Variants in TAFA4 observed in about 807,000 individuals in gnomAD.
The protein encoded by TAFA4 is chemokine-like protein TAFA-4.
A neutral mutation model predicts 21.1 loss-of-function variants in TAFA4; 20 were observed. The ratio of observed to expected loss-of-function variants is 0.95; its 90% CI spans 0.67 to 1.38. TAFA4 has a LOEUF of 1.38. TAFA4 is among the 40% of genes most tolerant of loss of function. The pLI is 0.00. For synonymous variants in TAFA4, 71 were observed against 67.4 expected, an observed-to-expected ratio of 1.05 and a Z score of -0.26; for missense variants, 211 against 180.9, an observed-to-expected ratio of 1.17 and a Z score of -0.95.
intron 4 of TAFA4, among the ~76,000 whole-genome samples, chr3:68,742,510 G>A (rs909419215): frequency 4.6e-5 from 7 of 151,998 alleles, no homozygotes; most frequent in Admixed American, 6.5e-5. Flanking sequence ...CCAGGCACCC[G>A]GCTAATTTCC....
intron 3 of TAFA4, among the ~76,000 whole-genome samples, chr3:68,828,011 T>G (rs2106873816): frequency 6.6e-6 from 1 of 152,370 alleles, no homozygotes; most frequent in Admixed American, 6.5e-5. Context: ...TTTTGTGGTT[T>G]TAGGTCTTCC....
chr3:68,762,768 G>A (rs1334155771), intron 3 of TAFA4, among the ~76,000 whole-genome samples: 1 of 152,254 alleles, frequency 6.6e-6, no homozygotes, highest in Non-Finnish European at 1.5e-5. Flanking sequence ...GCCGGGCACA[G>A]TGGCTCACGC....
chr3:68,852,710 A>G (rs1367657384), intron 3 of TAFA4, among the ~76,000 whole-genome samples: 1 of 152,170 alleles, frequency 6.6e-6, no homozygotes, highest in East Asian at 1.9e-4. Context: ...TTTCCAATTT[A>G]CTAGCCTTAA....
In TAFA4 at chr3:68,736,594, G is replaced by A. The variant is rs190813998; in HGVS notation, c.411+2481C>T. On this transcript the variant is annotated intron_variant, in intron 5 of 5. Transcript: ENST00000295569. ...TGTGCATGAACTATTTAAAGAAAAT[G>A]GAAACTATTATTGTTATACAGTTTA... Among the ~76,000 whole-genome samples the A allele has an allele frequency of 5.9e-5, 9 of 152,190 alleles. No homozygotes were observed. The East Asian group carries it at 1.5e-3, about 26-fold the overall frequency.
intron 1 of TAFA4, among the ~76,000 whole-genome samples, chr3:68,920,402 GCTTC>G (rs1175297582): frequency 2.0e-5 from 3 of 152,132 alleles, no homozygotes; most frequent in Non-Finnish European, 4.4e-5. Context: ...TGCCAAATAT[GCTTC>G]CTATTTCTGT....
intron 3 of TAFA4, among the ~76,000 whole-genome samples, chr3:68,765,544 T>G (rs1702837333): frequency 6.6e-6 from 1 of 152,218 alleles, no homozygotes; most frequent in South Asian, 2.1e-4. Flanking sequence ...AATGCTACTC[T>G]CATGTGGCAC....
intron 4 of TAFA4, among the ~76,000 whole-genome samples, chr3:68,745,618 T>C (rs1341535602): frequency 6.6e-6 from 1 of 152,230 alleles, no homozygotes; most frequent in Non-Finnish European, 1.5e-5. Context: ...GAAAATTTCA[T>C]GTGATAATTA....
rs998604495 is a variant in TAFA4 at position 68,911,004 on chromosome 3, T to G, written c.-123+21236A>C. Among the ~76,000 whole-genome samples the G allele has an allele frequency of 1.5e-4, 23 of 152,222 alleles. 1 individual carries two copies. The highest frequency in any genetic ancestry group is 9.8e-4 in the Admixed American group (15 of 15,282). On this transcript the variant is annotated intron_variant, in intron 1 of 5. Coordinates refer to ENST00000295569, the MANE Select transcript of TAFA4 (RefSeq NM_182522.5). ...GATTTTGCCTGAAATATTAGTTCAT[T>G]TTAATTTTGCATTCTCCAAAAGAGG... is the stretch of plus-strand genomic sequence containing the variant.
chr3:68,929,846 T>G (rs1476598091), intron 1 of TAFA4, among the ~76,000 whole-genome samples: 1 of 152,246 alleles, frequency 6.6e-6, no homozygotes, highest in Non-Finnish European at 1.5e-5. Flanking sequence ...ACTTCCTTCT[T>G]TCCCTTATTC....
chr3:68,783,288 C>A (rs1484043955), intron 3 of TAFA4, among the ~76,000 whole-genome samples: 1 of 152,032 alleles, frequency 6.6e-6, no homozygotes, highest in African/African-American at 2.4e-5. Flanking sequence ...GAAAATCAGG[C>A]AAGAAAAAGA....
At chr3:68,823,376 T>C (rs955511958) in intron 3 of TAFA4, among the ~76,000 whole-genome samples, 1 of 152,206 alleles carries the variant, frequency 6.6e-6, no homozygotes, top group Non-Finnish European at 1.5e-5. Context: ...TGCAGATATG[T>C]TGAAGTGTCA....
At chr3:68,842,361 G>A (rs1005383353) in intron 3 of TAFA4, among the ~76,000 whole-genome samples, 52 of 152,080 alleles carry the variant, frequency 3.4e-4, no homozygotes, top group African/African-American at 1.0e-3. Context: ...AGAACTGTCT[G>A]TACATATCCT....
intron 1 of TAFA4, among the ~76,000 whole-genome samples, chr3:68,892,192 T>A (rs1359444327): frequency 6.6e-6 from 1 of 152,204 alleles, no homozygotes; most frequent in East Asian, 1.9e-4. Flanking sequence ...AGACATGTTT[T>A]CCCACCAATA....
intron 3 of TAFA4, among the ~76,000 whole-genome samples, chr3:68,833,986 G>A (rs1200166643): frequency 1.3e-5 from 2 of 152,158 alleles, no homozygotes; most frequent in Non-Finnish European, 2.9e-5. Context: ...GGAGGGGAGA[G>A]GCAGACACAT....
At chr3:68,807,587 G>T (rs1454203617) in intron 3 of TAFA4, among the ~76,000 whole-genome samples, 1 of 152,132 alleles carries the variant, frequency 6.6e-6, no homozygotes, top group African/African-American at 2.4e-5. Context: ...CATTCACATA[G>T]GCAAAAACAC....
At chr3:68,878,748 C>T (rs1371764664) in intron 3 of TAFA4, among the ~76,000 whole-genome samples, 7 of 152,138 alleles carry the variant, frequency 4.6e-5, no homozygotes, top group Admixed American at 6.6e-5. Flanking sequence ...AACAACAAAA[C>T]CTGTCTTTTG....
intron 3 of TAFA4, 102 bp from the exon 4 acceptor site, chr3:68,753,120 G>A: frequency 9.7e-7 from 1 of 1,032,430 alleles, no homozygotes. Flanking sequence ...AACTTCCTGT[G>A]CTATGCTTAT....
intron 2 of TAFA4, among the ~76,000 whole-genome samples, chr3:68,883,940 AAGGC>A (rs561739941): frequency 6.6e-6 from 1 of 151,386 alleles, no homozygotes; most frequent in African/African-American, 2.4e-5. Flanking sequence ...TCAAAAAAAG[AAGGC>A]AGGCAGGCAG....
At chr3:68,864,191 G>A (rs1010317301) in intron 3 of TAFA4, among the ~76,000 whole-genome samples, 1 of 152,076 alleles carries the variant, frequency 6.6e-6, no homozygotes, top group Non-Finnish European at 1.5e-5. Flanking sequence ...AATATTTGCA[G>A]TTTGGTTATT....
Sources: allele counts gnomAD v4.1 joint callset (sites outside exome capture counted in the v4.1 genomes callset), GRCh38; gene constraint gnomAD v4.1.1; transcripts MANE v1.5; gene names NCBI Gene and HGNC (gene_info 2026-07-23, HGNC 2026-07-21).